The following ANKRD11 variants were observed in gnomAD, a reference collection of about 807,000 sequenced individuals.
ANKRD11 encodes the protein ankyrin repeat domain-containing protein 11.
ANKRD11 carries 17 observed loss-of-function variants against 195.7 expected under a neutral mutation model. The ratio of observed to expected loss-of-function variants is 0.09; its 90% CI spans 0.06 to 0.13. ANKRD11 has a LOEUF of 0.13. Ranked by LOEUF, ANKRD11 falls within the 10% of genes least tolerant of loss-of-function variation. The pLI, the probability that ANKRD11 is intolerant of heterozygous loss-of-function variation, is 1.00. For missense variants in ANKRD11, 3,735 were observed against 3,566.1 expected (o/e 1.05, Z -1.21); for synonymous variants, 1,953 against 1,528.1 (o/e 1.28, Z -6.49).
chr16:89,456,714 A>G (rs1354953331), intron 1 of ANKRD11, among the ~76,000 whole-genome samples: 1 of 152,208 alleles, frequency 6.6e-6, no homozygotes, highest in Non-Finnish European at 1.5e-5. Context: ...GAAGCCGGAC[A>G]CTAAAGGCCA....
chr16:89,488,970 C>T (rs566545267), intron 1 of ANKRD11: 4 of 152,146 alleles, frequency 2.6e-5, no homozygotes, highest in African/African-American at 9.7e-5. Flanking sequence ...GCATAGGGAG[C>T]TGTTAGACCA....
intron 2 of ANKRD11, among the ~76,000 whole-genome samples, chr16:89,395,258 G>C (rs1173892461): frequency 6.6e-6 from 1 of 152,236 alleles, no homozygotes; most frequent in Non-Finnish European, 1.5e-5. Context: ...TGAGCCCCAG[G>C]GAAGGGCTGC....
intron 7 of ANKRD11, chr16:89,287,143 C>G: frequency 7.8e-7 from 1 of 1,286,988 alleles, no homozygotes; most frequent in Non-Finnish European, 1.0e-6. Context: ...TCTTGCAGGG[C>G]TGGGACGGAG....
intron 9 of ANKRD11, among the ~76,000 whole-genome samples, chr16:89,276,715 C>T (rs1454524390): frequency 2.6e-5 from 4 of 152,206 alleles, no homozygotes; most frequent in African/African-American, 9.7e-5. Flanking sequence ...GTGCATAAAC[C>T]TATCTCTGCT....
At chr16:89,307,325 C>T (rs911959381) in intron 3 of ANKRD11, among the ~76,000 whole-genome samples, 3 of 152,208 alleles carry the variant, frequency 2.0e-5, no homozygotes, top group Admixed American at 1.3e-4. Flanking sequence ...AGCTCAGTCA[C>T]TCTGCATCCA....
intron 2 of ANKRD11, among the ~76,000 whole-genome samples, chr16:89,387,546 G>A (rs1467811859): frequency 4.0e-5 from 6 of 151,828 alleles, no homozygotes; most frequent in African/African-American, 1.2e-4. Flanking sequence ...GGTGGCGGGC[G>A]CCTGTACTCC....
At chr16:89,378,833 C>T (rs930644566) in intron 2 of ANKRD11, among the ~76,000 whole-genome samples, 2 of 149,040 alleles carry the variant, frequency 1.3e-5, no homozygotes, top group Admixed American at 1.3e-4. Context: ...GTTTAAAACT[C>T]TTTTATCCAT....
At chr16:89,388,569 T>A (rs1317148941) in intron 2 of ANKRD11, among the ~76,000 whole-genome samples, 1 of 152,026 alleles carries the variant, frequency 6.6e-6, no homozygotes, top group Non-Finnish European at 1.5e-5. Context: ...GAATGCTGCA[T>A]GTGTGTCTCT....
rs561919045 is a variant in ANKRD11, at chr16:89,385,419, G to A, written c.-60+32865C>T. Reference sequence around the variant, plus strand: ...GCTGGGATTACAGGCGTGAGCCACCGGACCCAGCAGACAGAAATGGTTTTC... The same window carrying A: ...GCTGGGATTACAGGCGTGAGCCACCAGACCCAGCAGACAGAAATGGTTTTC... On this transcript the variant is annotated intron_variant, in intron 2 of 12. Transcript: ENST00000301030. Among the ~76,000 whole-genome samples the A allele has an allele frequency of 8.5e-5, 13 of 152,136 alleles. No individual in the cohort carries two copies. In the South Asian group the frequency reaches 2.1e-3, roughly 24 times the overall value.
chr16:89,412,940 C>A (rs549267079), intron 2 of ANKRD11, among the ~76,000 whole-genome samples: 2 of 152,240 alleles, frequency 1.3e-5, no homozygotes, highest in South Asian at 4.2e-4. Flanking sequence ...GCACTCAGAG[C>A]CGGATTCCAG....
chr16:89,485,728 A>C (rs933302073), intron 1 of ANKRD11, among the ~76,000 whole-genome samples: 4 of 152,202 alleles, frequency 2.6e-5, no homozygotes, highest in Non-Finnish European at 5.9e-5. Context: ...TACAGAAAAA[A>C]ATCAATAGGG....
intron 2 of ANKRD11, among the ~76,000 whole-genome samples, chr16:89,389,654 G>A (rs1421207705): frequency 1.3e-5 from 2 of 152,234 alleles, no homozygotes; most frequent in Non-Finnish European, 2.9e-5. Context: ...TGAACTCAGA[G>A]AAACGGCATG....
chr16:89,340,578 T>C (rs1436286122), intron 2 of ANKRD11, among the ~76,000 whole-genome samples: 3 of 152,222 alleles, frequency 2.0e-5, no homozygotes, highest in Admixed American at 6.5e-5. Context: ...CCCAGTCCTG[T>C]TGTAAATCTT....
At chr16:89,445,412 C>T (rs1340887614) in intron 1 of ANKRD11, among the ~76,000 whole-genome samples, 3 of 152,036 alleles carry the variant, frequency 2.0e-5, no homozygotes, top group African/African-American at 7.3e-5. Context: ...AAGATGCTAC[C>T]CCTGAAGCAA....
At chr16:89,440,269 G>A (rs987385532) in intron 1 of ANKRD11, among the ~76,000 whole-genome samples, 2 of 152,130 alleles carry the variant, frequency 1.3e-5, no homozygotes, top group African/African-American at 4.8e-5. Context: ...ATGTTCCCCT[G>A]GGGGGAGGGA....
chr16:89,368,388 T>G (rs911268085), intron 2 of ANKRD11, among the ~76,000 whole-genome samples: 4,120 of 135,990 alleles, frequency 0.03, 167 homozygotes, highest in African/African-American at 0.082. Context: ...TTTTTTTTTT[T>G]TTTTTTTTTT....
intron 12 of ANKRD11, chr16:89,270,310 AG>A (rs2033025982): frequency 4.3e-6 from 1 of 233,326 alleles, no homozygotes; most frequent in Non-Finnish European, 8.4e-6. Context: ...GTGACTGTAC[AG>A]GGTGACGCTG....
chr16:89,386,580 C>T (rs1355841887), intron 2 of ANKRD11, among the ~76,000 whole-genome samples: 3 of 152,176 alleles, frequency 2.0e-5, no homozygotes, highest in African/African-American at 4.8e-5. Context: ...GCAAGATGCC[C>T]GCGGGGAGGA....
chr16:89,306,808 C>T (rs78180920), intron 3 of ANKRD11, among the ~76,000 whole-genome samples: 303 of 11,104 alleles, frequency 0.027, 138 homozygotes, highest in South Asian at 0.1. Flanking sequence ...TCCGCAGACA[C>T]GCGCCACCTC....
Sources: allele counts gnomAD v4.1 joint callset (sites outside exome capture counted in the v4.1 genomes callset), GRCh38; gene constraint gnomAD v4.1.1; transcripts MANE v1.5; gene names NCBI Gene and HGNC (gene_info 2026-07-23, HGNC 2026-07-21).